Variants in STPG2 observed in about 807,000 individuals in gnomAD.
The protein encoded by STPG2 is sperm tail PG-rich repeat containing 2.
STPG2 carries 56 observed loss-of-function variants against 54.2 expected under a neutral mutation model. The ratio of observed to expected loss-of-function variants is 1.03; its 90% confidence interval spans 0.83 to 1.29. The LOEUF (loss-of-function observed/expected upper bound fraction) is 1.29. Among genes scored for constraint, STPG2 ranks in the 50% most tolerant of loss-of-function variants. The probability of loss-of-function intolerance (pLI) is 0.00; values close to 1 mark genes in which losing one functional copy is unlikely to be tolerated. For synonymous variants in STPG2, 200 were observed against 181.8 expected (o/e 1.10, Z -0.81); for missense variants, 596 against 544.9 (o/e 1.09, Z -0.93).
intron 10 of STPG2, among the ~76,000 whole-genome samples, chr4:97,608,714 T>TA (rs1439452892): frequency 6.6e-6 from 1 of 152,102 alleles, no homozygotes; most frequent in African/African-American, 2.4e-5. Context: ...GTTTTGTATT[T>TA]AAAATCTTCA....
intron 10 of STPG2, among the ~76,000 whole-genome samples, chr4:97,592,082 G>C (rs1409435192): frequency 6.6e-6 from 1 of 152,050 alleles, no homozygotes; most frequent in Non-Finnish European, 1.5e-5. Context: ...CAAAAGTTGA[G>C]AAGAAACAGT....
intron 8 of STPG2, among the ~76,000 whole-genome samples, chr4:97,909,744 T>C (rs1265792798): frequency 1.3e-5 from 2 of 152,180 alleles, no homozygotes; most frequent in African/African-American, 2.4e-5. Context: ...AAATTTAGAA[T>C]ATATTCCTAA....
At chr4:97,671,912 C>A (rs1277555443) in intron 10 of STPG2, among the ~76,000 whole-genome samples, 2 of 152,040 alleles carry the variant, frequency 1.3e-5, no homozygotes, top group Admixed American at 6.6e-5. Flanking sequence ...AAAATATATT[C>A]TTTAAAACAT....
chr4:97,984,645 C>A (rs985746586), intron 5 of STPG2, among the ~76,000 whole-genome samples: 4 of 152,234 alleles, frequency 2.6e-5, no homozygotes, highest in Non-Finnish European at 5.9e-5. Context: ...CCCATTCTTA[C>A]TGATTTATTT....
intron 10 of STPG2, among the ~76,000 whole-genome samples, chr4:97,607,805 A>G (rs1733632515): frequency 6.6e-6 from 1 of 152,066 alleles, no homozygotes; most frequent in Non-Finnish European, 1.5e-5. Flanking sequence ...GAAAGAGGCT[A>G]GATGTTACCC....
chr4:97,655,833 G>A (rs1026890580), intron 10 of STPG2, among the ~76,000 whole-genome samples: 1 of 151,980 alleles, frequency 6.6e-6, no homozygotes, highest in Admixed American at 6.6e-5. Context: ...AACAAAATAC[G>A]TAAATATATA....
At chr4:97,897,482 C>A (rs1157138100) in intron 8 of STPG2, among the ~76,000 whole-genome samples, 1 of 151,872 alleles carries the variant, frequency 6.6e-6, no homozygotes, top group African/African-American at 2.4e-5. Context: ...AAATCACCAC[C>A]CTGTCTTCCA....
At chr4:97,761,363 C>A (rs1054022473) in intron 9 of STPG2, among the ~76,000 whole-genome samples, 2 of 151,984 alleles carry the variant, frequency 1.3e-5, no homozygotes, top group African/African-American at 4.8e-5. Context: ...GGAAGATGGC[C>A]ATGTGATGAT....
chr4:97,485,913 A>C (rs1387027373), intron 4 of STPG2, among the ~76,000 whole-genome samples: 2 of 151,676 alleles, frequency 1.3e-5, no homozygotes, highest in African/African-American at 4.8e-5. Context: ...ACTTGTCTTC[A>C]ACAAAGCGAA....
chr4:97,776,301 T>A (rs1369766520), intron 9 of STPG2, among the ~76,000 whole-genome samples: 1 of 152,174 alleles, frequency 6.6e-6, no homozygotes, highest in Non-Finnish European at 1.5e-5. Context: ...CAATATTGAA[T>A]AACAATTTAT....
intron 6 of STPG2, among the ~76,000 whole-genome samples, chr4:97,974,454 T>C (rs1446332064): frequency 6.6e-6 from 1 of 152,184 alleles, no homozygotes; most frequent in Non-Finnish European, 1.5e-5. Context: ...TGTGAGGACG[T>C]GAGATTTGGG....
At chr4:97,943,875 T>A in intron 8 of STPG2, 22 bp downstream of exon 8, 1 of 1,454,982 alleles carries the variant, frequency 6.9e-7, no homozygotes, top group Non-Finnish European at 9.2e-7. Flanking sequence ...ATGAAAATAT[T>A]TGATTGTAGG....
chr4:97,684,926 C>T (rs908793415), intron 10 of STPG2, among the ~76,000 whole-genome samples: 1 of 151,616 alleles, frequency 6.6e-6, no homozygotes, highest in Admixed American at 6.6e-5. Context: ...GAACAGACAC[C>T]TCACTAAAGA....
chr4:97,669,927 T>G (rs188130924), intron 10 of STPG2, among the ~76,000 whole-genome samples: 153 of 152,288 alleles, frequency 1.0e-3, no homozygotes, highest in Middle Eastern at 3.4e-3. Flanking sequence ...GAAGCCAAAT[T>G]TAATATATAA....
intron 9 of STPG2, among the ~76,000 whole-genome samples, chr4:97,802,178 T>C (rs1373504651): frequency 2.6e-5 from 4 of 152,176 alleles, no homozygotes; most frequent in East Asian, 1.9e-4. Context: ...CCCACATCTC[T>C]CCATAAGAGC....
At chr4:97,441,852 A>C (rs1243333342) in intron 4 of STPG2, among the ~76,000 whole-genome samples, 2 of 152,006 alleles carry the variant, frequency 1.3e-5, no homozygotes, top group Non-Finnish European at 2.9e-5. Context: ...AGTGAGTCTA[A>C]TAAGATAAAA....
At chr4:97,625,382 C>A (rs1267400489) in intron 10 of STPG2, among the ~76,000 whole-genome samples, 1 of 152,154 alleles carries the variant, frequency 6.6e-6, no homozygotes, top group African/African-American at 2.4e-5. Context: ...ACAATCTCGG[C>A]CCATGCAACC....
intron 8 of STPG2, among the ~76,000 whole-genome samples, chr4:97,859,066 A>C (rs1028606397): frequency 6.6e-6 from 1 of 152,086 alleles, no homozygotes; most frequent in Non-Finnish European, 1.5e-5. Flanking sequence ...TCTACTTTTA[A>C]ATTTTTAAAT....
At chr4:97,665,745 C>T (rs1188881377) in intron 10 of STPG2, among the ~76,000 whole-genome samples, 1 of 152,092 alleles carries the variant, frequency 6.6e-6, no homozygotes, top group Non-Finnish European at 1.5e-5. Flanking sequence ...ACCTGCAGAC[C>T]AGCACCAAGC....
Sources: gnomAD v4.1 joint callset for allele counts (sites outside exome capture counted in the v4.1 genomes callset) on GRCh38, gnomAD v4.1.1 for gene constraint, MANE v1.5 for transcripts, NCBI Gene and HGNC (gene_info 2026-07-23, HGNC 2026-07-21) for gene names.